The following PTPRT variants were observed in gnomAD, a reference collection of about 807,000 sequenced individuals.
The protein encoded by PTPRT is receptor-type tyrosine-protein phosphatase T.
In PTPRT, 56 loss-of-function variants were observed where a neutral mutation model predicts 176.8. The observed-to-expected ratio is 0.32, with a 90% CI of 0.26 to 0.40. The LOEUF is 0.40. PTPRT is among the 10% of genes least tolerant of loss of function. The pLI is 1.00. For synonymous variants in PTPRT, 783 were observed against 739.0 expected (o/e 1.06, Z -0.96); for missense variants, 1,540 against 1,908.2 (o/e 0.81, Z 3.60).
chr20:43,016,079 C>T (rs75095218), intron 1 of PTPRT, among the ~76,000 whole-genome samples: 1,617 of 152,256 alleles, frequency 0.011, 40 homozygotes, highest in African/African-American at 0.036. Context: ...GATTATCTGA[C>T]CTGAGAGCCC....
In PTPRT at chr20:42,768,718, CTT is replaced by C. The variant is rs201071275; in HGVS notation, c.684+2715_684+2716del. 4.2e-4 allele frequency among the ~76,000 whole-genome samples: 64 copies of C among 152,200 alleles called. No individual in the cohort carries two copies. In the East Asian group the frequency reaches 7.9e-3, roughly 19 times the overall value. On this transcript the variant is annotated intron_variant, in intron 5 of 30. Coordinates refer to ENST00000373187, the MANE Select transcript of PTPRT (RefSeq NM_007050.6). ...TTGTCCCACTTTTAATTTATGATAT[CTT>C]GTCATGTTTTATGTCCCATTGAAAG...
intron 7 of PTPRT, among the ~76,000 whole-genome samples, chr20:42,547,922 C>A (rs540717351): frequency 1.3e-5 from 2 of 152,112 alleles, no homozygotes; most frequent in East Asian, 3.9e-4. Flanking sequence ...CATTTTTCTA[C>A]ACCATCAATA....
At chr20:42,732,480 G>A (rs6130199) in intron 6 of PTPRT, among the ~76,000 whole-genome samples, 36 of 152,300 alleles carry the variant, frequency 2.4e-4, no homozygotes, top group African/African-American at 8.7e-4. Context: ...GAGCCAAGAA[G>A]GAATGTTCAT....
intron 9 of PTPRT, among the ~76,000 whole-genome samples, chr20:42,356,358 G>T (rs2058358053): frequency 6.6e-6 from 1 of 152,088 alleles, no homozygotes; most frequent in Non-Finnish European, 1.5e-5. Context: ...TTTAGTTGCT[G>T]ACAGTAGGAT....
Position 42,315,930 on chromosome 20 carries a change from C to G in PTPRT, c.1932G>C (p.Glu644Asp). The change falls in exon 12 of 31, where the codon GAG (glutamate) becomes GAC (aspartate). Residue 644 changes from glutamate to aspartate, a missense_variant. By Grantham distance (45) the Glu-to-Asp change is conservative. This residue lies in a region of PTPRT where 81 missense variants were observed against 89.9 expected (regional missense o/e 0.90). Transcript: ENST00000373187. The part of the protein sequence containing the change: ...QKSRRAADII[E>D]CFSVPVSYRN... ...GATAGCTCACGGGCACCGAAAAGCA[C>G]TCAATAATGTCAGCTGCCCTCCGTG... is the stretch of plus-strand genomic sequence containing the variant. 1 of 1,614,168 alleles carries G rather than the reference C, an allele frequency of 6.2e-7. No homozygotes were observed. The highest frequency in any genetic ancestry group is 8.5e-7 in the Non-Finnish European group (1 of 1,180,026).
chr20:43,159,180 G>C (rs779022818), intron 1 of PTPRT, among the ~76,000 whole-genome samples: 2 of 152,196 alleles, frequency 1.3e-5, no homozygotes, highest in Admixed American at 6.5e-5. Flanking sequence ...ATCCAGTGTA[G>C]AGTACACACC....
intron 2 of PTPRT, among the ~76,000 whole-genome samples, chr20:42,854,387 G>A (rs921237088): frequency 1.1e-4 from 16 of 152,292 alleles, no homozygotes; most frequent in Admixed American, 2.6e-4. Flanking sequence ...ACAAAGGAAA[G>A]AAACTAGGGA....
At chr20:42,519,469 T>G (rs2072130501) in intron 7 of PTPRT, among the ~76,000 whole-genome samples, 1 of 152,160 alleles carries the variant, frequency 6.6e-6, no homozygotes, top group African/African-American at 2.4e-5. Flanking sequence ...ACAAAATATA[T>G]AGTAGCTTTA....
chr20:43,008,107 G>T (rs1378589561), intron 1 of PTPRT, among the ~76,000 whole-genome samples: 1 of 152,132 alleles, frequency 6.6e-6, no homozygotes, highest in African/African-American at 2.4e-5. Flanking sequence ...GTCTTCAATG[G>T]ACTAAATGTT....
chr20:42,199,177 G>A, intron 16 of PTPRT, 63 bp downstream of exon 16: 2 of 1,565,572 alleles, frequency 1.3e-6, no homozygotes, highest in South Asian at 1.2e-5. Context: ...GGGGTTCACA[G>A]CAGAAGTACT....
chr20:42,224,304 A>G (rs570276511), intron 15 of PTPRT, among the ~76,000 whole-genome samples: 9 of 152,304 alleles, frequency 5.9e-5, no homozygotes, highest in Non-Finnish European at 8.8e-5. Context: ...GAAACTAAAT[A>G]CTATTTCAAA....
At chr20:42,474,119 T>C (rs1417638379) in intron 7 of PTPRT, among the ~76,000 whole-genome samples, 3 of 152,280 alleles carry the variant, frequency 2.0e-5, no homozygotes, top group East Asian at 3.9e-4. Flanking sequence ...AGTAATAATA[T>C]ATATGTAATA....
intron 7 of PTPRT, among the ~76,000 whole-genome samples, chr20:42,547,522 C>T (rs1313751867): frequency 1.3e-5 from 2 of 151,934 alleles, no homozygotes; most frequent in Non-Finnish European, 2.9e-5. Context: ...AAAATCACAT[C>T]ATTAATTGAC....
chr20:43,114,386 T>G (rs2012975966), intron 1 of PTPRT, among the ~76,000 whole-genome samples: 1 of 152,312 alleles, frequency 6.6e-6, no homozygotes, highest in Non-Finnish European at 1.5e-5. Context: ...AATAACCTTT[T>G]TGTACCCCAG....
chr20:42,113,002 C>T (rs1035359821), intron 22 of PTPRT, among the ~76,000 whole-genome samples: 7 of 152,212 alleles, frequency 4.6e-5, no homozygotes, highest in Admixed American at 4.6e-4. Flanking sequence ...GATCCTCTCT[C>T]CCCGATGCGT....
chr20:43,006,032 G>C (rs1984838754), intron 1 of PTPRT, among the ~76,000 whole-genome samples: 1 of 152,244 alleles, frequency 6.6e-6, no homozygotes, highest in African/African-American at 2.4e-5. Context: ...ATGTGTAGTT[G>C]GACCCTGAAC....
At chr20:42,535,702 G>A (rs1040993584) in intron 7 of PTPRT, among the ~76,000 whole-genome samples, 1 of 152,174 alleles carries the variant, frequency 6.6e-6, no homozygotes, top group Non-Finnish European at 1.5e-5. Flanking sequence ...ATGGTTGATG[G>A]GACCAAGTAA....
chr20:42,105,347 G>A (rs189429213), intron 24 of PTPRT, among the ~76,000 whole-genome samples: 33 of 152,202 alleles, frequency 2.2e-4, no homozygotes, highest in South Asian at 4.1e-4. Context: ...ATTATTTGCC[G>A]GCAAATCTTT....
chr20:42,208,118 G>A (rs903956309), intron 15 of PTPRT, among the ~76,000 whole-genome samples: 1 of 127,054 alleles, frequency 7.9e-6, no homozygotes. Context: ...CACCAGGCCT[G>A]CCCTAAAAGA....
Sources: allele counts gnomAD v4.1 joint callset (sites outside exome capture counted in the v4.1 genomes callset), GRCh38; gene constraint gnomAD v4.1.1; regional missense constraint gnomAD v4.1.1; transcripts MANE v1.5; gene names NCBI Gene and HGNC (gene_info 2026-07-23, HGNC 2026-07-21).